The following LINGO2 variants were observed in gnomAD, a reference collection of about 807,000 sequenced individuals.
The protein encoded by LINGO2 is leucine-rich repeat and immunoglobulin-like domain-containing nogo receptor-interacting protein 2.
LINGO2 carries 14 observed loss-of-function variants against 30.6 expected under a neutral mutation model. That is an observed-to-expected ratio of 0.46 (90% CI 0.30 to 0.72). The LOEUF (loss-of-function observed/expected upper bound fraction) is 0.72, where lower values mean the gene tolerates loss of function less well. LINGO2 is among the 30% of genes least tolerant of loss of function. LINGO2 has a pLI of 0.07. For missense variants in LINGO2, 729 were observed against 751.7 expected (o/e 0.97, Z 0.35); for synonymous variants, 317 against 288.5 (o/e 1.10, Z -1.00).
At chr9:28,853,822 C>A in the LINGO2 span, among the ~76,000 whole-genome samples, 1 of 151,796 alleles carries the variant, frequency 6.6e-6, no homozygotes, top group Admixed American at 6.6e-5. Context: ...TGGTCCTGCC[C>A]TTGACATGTG....
the LINGO2 span, among the ~76,000 whole-genome samples, chr9:29,205,166 G>A: frequency 2.6e-5 from 4 of 152,020 alleles, no homozygotes; most frequent in East Asian, 3.9e-4. Context: ...TTAGCTTCCC[G>A]AGTAGCTGGA....
the LINGO2 span, among the ~76,000 whole-genome samples, chr9:29,108,794 C>G: frequency 6.6e-6 from 1 of 152,118 alleles, no homozygotes; most frequent in South Asian, 2.1e-4. Flanking sequence ...GAAGTGGGCA[C>G]CAACACTGTG....
rs150318352 is a variant in LINGO2, at chr9:28,236,592, A to G, written c.-87+58616T>C. ...CTGTCATTTGCAACAACATGGACAG[A>G]ACTAGAGGTCATTGTGTTCAATGAA... is the stretch of plus-strand genomic sequence containing the variant. On this transcript the variant is annotated intron_variant, in intron 4 of 5. Coordinates refer to ENST00000379992, the Ensembl canonical transcript of LINGO2. Among the ~76,000 whole-genome samples the G allele has an allele frequency of 5.1e-3, 776 of 152,306 alleles. 11 individuals carry two copies. Among genetic ancestry groups the G allele is most frequent in the African/African-American group, 0.018 (736 of 41,558 alleles).
chr9:28,304,621 T>C (rs1824273928), intron 3 of LINGO2, among the ~76,000 whole-genome samples: 1 of 152,096 alleles, frequency 6.6e-6, no homozygotes, highest in East Asian at 1.9e-4. Flanking sequence ...TTGAGCTTTA[T>C]ATAAATGGAA....
chr9:28,005,356 G>A lies in LINGO2; in HGVS notation c.-36+6999C>T, dbSNP rs117328185. Among the ~76,000 whole-genome samples, 369 of 152,272 alleles carry A rather than the reference G, an allele frequency of 2.4e-3. 2 individuals are homozygous for A. Among genetic ancestry groups the A allele is most frequent in the Non-Finnish European group, 3.4e-3 (229 of 68,002 alleles). On this transcript the variant is annotated intron_variant, in intron 5 of 5. Transcript: ENST00000379992. ...AACTGCTCTGGTGAGGATATCATAT[G>A]TGATTCCCAACTTCTCTGAGATGAT...
the LINGO2 span, among the ~76,000 whole-genome samples, chr9:28,963,220 G>GCA: frequency 6.6e-6 from 1 of 151,616 alleles, no homozygotes; most frequent in Non-Finnish European, 1.5e-5. Flanking sequence ...CTGCAGTGTT[G>GCA]GTACTATTTT....
the LINGO2 span, among the ~76,000 whole-genome samples, chr9:28,961,171 C>G: frequency 6.6e-6 from 1 of 152,108 alleles, no homozygotes; most frequent in Admixed American, 6.6e-5. Context: ...GATGGCAATA[C>G]AATCTTACTG....
At chr9:28,325,384 GA>G (rs1825191882) in intron 3 of LINGO2, among the ~76,000 whole-genome samples, 1 of 151,980 alleles carries the variant, frequency 6.6e-6, no homozygotes, top group Admixed American at 6.6e-5. Flanking sequence ...AGTCTCTGTA[GA>G]ACAGCTGGAG....
the LINGO2 span, among the ~76,000 whole-genome samples, chr9:29,108,651 C>A: frequency 1.3e-5 from 2 of 152,124 alleles, no homozygotes; most frequent in African/African-American, 4.8e-5. Context: ...TATCAGCTGA[C>A]AGGATAAGGT....
At chr9:28,606,688 C>A (rs887052584) in intron 1 of LINGO2, among the ~76,000 whole-genome samples, 3 of 152,022 alleles carry the variant, frequency 2.0e-5, no homozygotes, top group Non-Finnish European at 4.4e-5. Context: ...TGAAAGGATA[C>A]CAAAACATTT....
the LINGO2 span, among the ~76,000 whole-genome samples, chr9:28,881,125 CTT>C: frequency 6.2e-3 from 949 of 152,180 alleles, 7 homozygotes; most frequent in Non-Finnish European, 0.01. Flanking sequence ...TTTCTCTACA[CTT>C]TGTCTCTGTG....
At chr9:28,982,877 A>G in the LINGO2 span, among the ~76,000 whole-genome samples, 1 of 152,040 alleles carries the variant, frequency 6.6e-6, no homozygotes, top group Admixed American at 6.6e-5. Context: ...ATACTATTAA[A>G]ACCTTTTGAA....
intron 4 of LINGO2, among the ~76,000 whole-genome samples, chr9:28,049,616 C>A (rs947025823): frequency 4.0e-5 from 6 of 150,578 alleles, no homozygotes; most frequent in Non-Finnish European, 7.4e-5. Context: ...TTATTCAAAT[C>A]TTATCTAAAA....
chr9:27,981,560 G>GAAAAAAAAA (rs1318410176), intron 5 of LINGO2, among the ~76,000 whole-genome samples: 1 of 87,292 alleles, frequency 1.1e-5, no homozygotes, highest in Non-Finnish European at 2.3e-5. Context: ...AGAAAAAAAA[G>GAAAAAAAAA]AAAAAAAAAG....
At chr9:28,292,525 C>T (rs1217045764) in intron 4 of LINGO2, among the ~76,000 whole-genome samples, 4 of 152,000 alleles carry the variant, frequency 2.6e-5, no homozygotes, top group Admixed American at 6.6e-5. Flanking sequence ...TGCAATGGCT[C>T]GATCTTGGCT....
the LINGO2 span, among the ~76,000 whole-genome samples, chr9:28,943,819 G>C: frequency 6.6e-6 from 1 of 152,104 alleles, no homozygotes; most frequent in East Asian, 1.9e-4. Context: ...GCTTCTATAG[G>C]GTACATGTAT....
intron 1 of LINGO2, among the ~76,000 whole-genome samples, chr9:28,490,649 GAA>G (rs924029812): frequency 2.0e-5 from 3 of 152,170 alleles, no homozygotes; most frequent in African/African-American, 7.2e-5. Context: ...CAGATTATGT[GAA>G]GTGTCCTACC....
chr9:29,076,954 G>T, the LINGO2 span, among the ~76,000 whole-genome samples: 1 of 152,166 alleles, frequency 6.6e-6, no homozygotes, highest in East Asian at 1.9e-4. Flanking sequence ...AATAGCCTTT[G>T]CTTTTAACTG....
the LINGO2 span, among the ~76,000 whole-genome samples, chr9:28,766,732 T>G: frequency 6.6e-6 from 1 of 151,074 alleles, no homozygotes; most frequent in Non-Finnish European, 1.5e-5. Flanking sequence ...GAATGGGATA[T>G]TATTAGCCTT....
Sources: allele counts gnomAD v4.1 joint callset (sites outside exome capture counted in the v4.1 genomes callset), GRCh38; gene constraint gnomAD v4.1.1; transcripts MANE v1.5; gene names NCBI Gene and HGNC (gene_info 2026-07-23, HGNC 2026-07-21).